LIMD1: variants seen among roughly 807,000 people sequenced by gnomAD.
LIMD1 encodes the protein LIM domain containing 1.
Under a neutral mutation model 58.4 loss-of-function variants are expected in LIMD1, and 23 were observed. That is an observed-to-expected ratio of 0.39 (90% CI 0.28 to 0.56). The LOEUF (loss-of-function observed/expected upper bound fraction) is 0.56, where lower values mean the gene tolerates loss of function less well. Ranked by LOEUF, LIMD1 falls within the 20% of genes least tolerant of loss-of-function variation. The pLI is 0.57. For synonymous variants in LIMD1, 334 were observed against 345.5 expected (o/e 0.97, Z 0.37); for missense variants, 838 against 855.5 (o/e 0.98, Z 0.25).
At chr3:45,616,537 G>A (rs915013740) in intron 1 of LIMD1, among the ~76,000 whole-genome samples, 4 of 151,686 alleles carry the variant, frequency 2.6e-5, no homozygotes, top group African/African-American at 9.7e-5. Context: ...AAGTAGCCTT[G>A]GAGGTCCTGC....
At chr3:45,656,922 CT>C (rs1697335427) in intron 2 of LIMD1, among the ~76,000 whole-genome samples, 2 of 152,152 alleles carry the variant, frequency 1.3e-5, no homozygotes, top group African/African-American at 4.8e-5. Flanking sequence ...AATTGTGCTG[CT>C]TCAACCTGTC....
rs1559511284 is a variant in LIMD1, at chr3:45,595,874, AC to A, written c.1000del (p.Gln334AsnfsTer59). The A allele has an allele frequency of 6.2e-7, 1 of 1,613,762 alleles. No homozygotes were observed. The highest frequency in any genetic ancestry group is 8.5e-7 in the Non-Finnish European group (1 of 1,179,952). On this transcript the variant is annotated frameshift_variant, in exon 1 of 8. Transcript: ENST00000273317. LOFTEE classifies it high-confidence loss of function. ...VSGVMSKPNV[D>X]PQPWFQDGPK... ...GGTGTGATGTCCAAACCCAATGTGGACCCCCAACCCTGGTTCCAGGATGGGC... is the reference window on the plus strand; with the variant it reads ...GGTGTGATGTCCAAACCCAATGTGGACCCCAACCCTGGTTCCAGGATGGGC...
intron 1 of LIMD1, among the ~76,000 whole-genome samples, chr3:45,624,374 C>T (rs1056325156): frequency 1.3e-5 from 2 of 151,988 alleles, no homozygotes; most frequent in Non-Finnish European, 2.9e-5. Flanking sequence ...AGGAGCAGGG[C>T]CACATTCATT....
At chr3:45,656,382 C>T (rs745908219) in intron 2 of LIMD1, among the ~76,000 whole-genome samples, 2 of 150,370 alleles carry the variant, frequency 1.3e-5, no homozygotes, top group Non-Finnish European at 2.9e-5. Context: ...GACCTGGGTT[C>T]GAATCTCAAC....
intron 1 of LIMD1, among the ~76,000 whole-genome samples, chr3:45,603,341 C>A (rs1451589902): frequency 2.0e-5 from 3 of 152,120 alleles, no homozygotes; most frequent in African/African-American, 7.2e-5. Context: ...ACTGGCTAAC[C>A]AGCCTCCTCC....
rs950911096 is a variant in LIMD1 at position 45,679,348 on chromosome 3, A to T, written c.*2289A>T. The T allele has an allele frequency of 2.0e-5, 3 of 152,204 alleles. No individual in the cohort carries two copies. Among genetic ancestry groups the T allele is most frequent in the African/African-American group, 7.2e-5 (3 of 41,444 alleles). The allele number at this position is 152,204 out of a possible 1,614,324, so 9.4% of individuals were successfully genotyped here. ...TCAGTTTCCCTGGAGAAGGCGCCAG[A>T]TAGGAATCTCCAATCAGTTGTTTTT... On this transcript the variant is annotated 3_prime_UTR_variant, in exon 8 of 8. Coordinates refer to ENST00000273317, the MANE Select transcript of LIMD1 (RefSeq NM_014240.3).
At chr3:45,601,799 A>G (rs1356746133) in intron 1 of LIMD1, among the ~76,000 whole-genome samples, 1 of 152,104 alleles carries the variant, frequency 6.6e-6, no homozygotes, top group East Asian at 1.9e-4. Context: ...GACCACTTGC[A>G]TGGTGGGACT....
At chr3:45,673,356 G>A (rs924134937) in intron 5 of LIMD1, 98 bp from the exon 6 acceptor site, 16 of 893,888 alleles carry the variant, frequency 1.8e-5, no homozygotes, top group African/African-American at 4.9e-5. Context: ...GGCAGGAGGC[G>A]GCATGGAGGA....
chr3:45,663,868 A>ATTTT lies in LIMD1; in HGVS notation c.1511-1765_1511-1762dup, dbSNP rs553757543. On this transcript the variant is annotated intron_variant, in intron 2 of 7. Transcript: ENST00000273317. Reference sequence around the variant, plus strand: ...TAGTGCGTGGCACCATGCCTGGCTAATTTTTTTTTTTTTTTTTTTTGAGAC... The same window carrying ATTTT: ...TAGTGCGTGGCACCATGCCTGGCTAATTTTTTTTTTTTTTTTTTTTTTTTGAGAC... Among the ~76,000 whole-genome samples the ATTTT allele has an allele frequency of 4.4e-3, 450 of 102,842 alleles. 44 individuals carry two copies. In the East Asian group the frequency reaches 0.05, roughly 11 times the overall value. 67.5% of individuals were successfully genotyped at this position (102,842 alleles called of 152,430 possible). A position where few individuals can be genotyped will look rare whatever the true frequency, so the allele number is the denominator to read the frequency against.
chr3:45,631,927 T>C (rs1252891732), intron 1 of LIMD1, among the ~76,000 whole-genome samples: 1 of 152,152 alleles, frequency 6.6e-6, no homozygotes, highest in African/African-American at 2.4e-5. Flanking sequence ...TCCTTTTTGG[T>C]GAGCTGTCTT....
intron 1 of LIMD1, among the ~76,000 whole-genome samples, chr3:45,597,148 C>T (rs1261206999): frequency 6.6e-6 from 1 of 152,162 alleles, no homozygotes; most frequent in Non-Finnish European, 1.5e-5. Flanking sequence ...GCGTGAGCCA[C>T]CGCGCCTGGC....
chr3:45,608,665 C>T (rs1484749595), intron 1 of LIMD1, among the ~76,000 whole-genome samples: 3 of 151,902 alleles, frequency 2.0e-5, no homozygotes, highest in Non-Finnish European at 4.4e-5. Context: ...CACAGTAAAA[C>T]CCTGTCTGTA....
At chr3:45,638,504 A>G (rs1363154400) in intron 2 of LIMD1, among the ~76,000 whole-genome samples, 1 of 152,186 alleles carries the variant, frequency 6.6e-6, no homozygotes, top group African/African-American at 2.4e-5. Context: ...ATGGCTGTGT[A>G]GTATTCCATG....
At chr3:45,668,477 G>A (rs890887935) in intron 4 of LIMD1, 121 bp downstream of exon 4, 27 of 752,568 alleles carry the variant, frequency 3.6e-5, no homozygotes, top group Middle Eastern at 3.0e-4. Flanking sequence ...ACAGCTGGGC[G>A]CAGTGGCTCA....
intron 1 of LIMD1, among the ~76,000 whole-genome samples, chr3:45,610,610 G>C (rs563925569): frequency 6.6e-6 from 1 of 152,160 alleles, no homozygotes; most frequent in Non-Finnish European, 1.5e-5. Flanking sequence ...AGCCTAATAA[G>C]CACGTGGGCT....
intron 1 of LIMD1, among the ~76,000 whole-genome samples, chr3:45,619,623 AC>A (rs1277284219): frequency 6.6e-6 from 1 of 151,908 alleles, no homozygotes; most frequent in East Asian, 1.9e-4. Context: ...ACATGGTAAA[AC>A]CCCATCTCTA....
intron 3 of LIMD1, among the ~76,000 whole-genome samples, chr3:45,667,263 C>T (rs1205512048): frequency 6.6e-6 from 1 of 152,196 alleles, no homozygotes; most frequent in Non-Finnish European, 1.5e-5. Flanking sequence ...TGGAGGAATG[C>T]AAGGCTCTGA....
chr3:45,600,626 A>G (rs1559512368), intron 1 of LIMD1, among the ~76,000 whole-genome samples: 1 of 152,124 alleles, frequency 6.6e-6, no homozygotes, highest in Non-Finnish European at 1.5e-5. Flanking sequence ...CACCTAGTGC[A>G]GTGTGGCTTC....
chr3:45,675,205 C>G (rs1488278994), intron 7 of LIMD1, among the ~76,000 whole-genome samples: 1 of 152,202 alleles, frequency 6.6e-6, no homozygotes, highest in African/African-American at 2.4e-5. Context: ...CAACAGGCCT[C>G]TCCACATTTT....
Sources: gnomAD v4.1 joint callset for allele counts (sites outside exome capture counted in the v4.1 genomes callset) on GRCh38, gnomAD v4.1.1 for gene constraint, MANE v1.5 for transcripts, NCBI Gene and HGNC (gene_info 2026-07-23, HGNC 2026-07-21) for gene names.